The following ATP2B4 variants were observed in gnomAD, a reference collection of about 807,000 sequenced individuals.
ATP2B4 encodes ATPase plasma membrane Ca2+ transporting 4, also known as plasma membrane calcium-transporting ATPase 4.
ATP2B4 carries 39 observed loss-of-function variants against 110.3 expected under a neutral mutation model. The observed-to-expected ratio is 0.35, with a 90% CI of 0.27 to 0.46. The LOEUF (loss-of-function observed/expected upper bound fraction) is 0.46, where lower values mean the gene tolerates loss of function less well. Among genes scored for constraint, ATP2B4 ranks in the 20% least tolerant of loss-of-function variants. The pLI is 1.00. For synonymous variants in ATP2B4, 538 were observed against 571.7 expected, an observed-to-expected ratio of 0.94 and a Z score of 0.84; for missense variants, 1,135 against 1,530.9, an observed-to-expected ratio of 0.74 and a Z score of 4.32.
chr1:203,690,636 C>T (rs1485467604), intron 2 of ATP2B4, among the ~76,000 whole-genome samples: 1 of 152,084 alleles, frequency 6.6e-6, no homozygotes, highest in Non-Finnish European at 1.5e-5. Flanking sequence ...TTTAGGAGCT[C>T]CTCCACTTGA....
chr1:203,702,757 G>T (rs1331010996), intron 7 of ATP2B4, among the ~76,000 whole-genome samples: 1 of 152,258 alleles, frequency 6.6e-6, no homozygotes, highest in Non-Finnish European at 1.5e-5. Context: ...CTATAGCAGT[G>T]AAAGTGGAGT....
In ATP2B4 at chr1:203,720,630, G is replaced by A. The variant is rs1230695932; in HGVS notation, c.2488G>A (p.Val830Met). The change falls in exon 16 of 21, where the codon GTG becomes ATG. Residue 830 changes from valine to methionine, a missense_variant. Transcript: ENST00000357681. ...CAACTTCACCAGCATTGTGAAGGCAGTGATGTGGGGACGAAATGTCTATGA... is the reference window on the plus strand; with the variant it reads ...CAACTTCACCAGCATTGTGAAGGCAATGATGTGGGGACGAAATGTCTATGA... ...DDNFTSIVKAVMWGRNVYDSI... is the reference protein window; with the variant it reads ...DDNFTSIVKAMMWGRNVYDSI... 6.2e-7 allele frequency: 1 copy of A among 1,614,032 alleles called. No homozygotes were observed. The highest frequency in any genetic ancestry group is 1.3e-5 in the African/African-American group (1 of 74,934).
intron 20 of ATP2B4, among the ~76,000 whole-genome samples, chr1:203,737,319 C>T (rs1393669896): frequency 3.3e-5 from 5 of 152,140 alleles, no homozygotes; most frequent in Non-Finnish European, 5.9e-5. Context: ...GATGTACTGG[C>T]GGATAAAGGC....
chr1:203,635,234 A>G (rs1663404268), intron 1 of ATP2B4, among the ~76,000 whole-genome samples: 1 of 152,106 alleles, frequency 6.6e-6, no homozygotes, highest in African/African-American at 2.4e-5. Flanking sequence ...TCAGCCTCCC[A>G]AAGTGCTGGG....
chr1:203,708,314 G>A lies in ATP2B4; in HGVS notation c.1557+210G>A, dbSNP rs1044658662. 2.0e-5 allele frequency among the ~76,000 whole-genome samples: 3 copies of A among 152,232 alleles called. No individual in the cohort carries two copies. In the South Asian group the frequency reaches 6.2e-4, roughly 32 times the overall value. On this transcript the variant is annotated intron_variant, in intron 10 of 20. Transcript: ENST00000357681. Reference sequence around the variant, plus strand: ...GAGGTAAGGGCCTGTAAGAATCTATGGCCAGGAAATACCCTCCCAATTAGC... The same window carrying A: ...GAGGTAAGGGCCTGTAAGAATCTATAGCCAGGAAATACCCTCCCAATTAGC...
At chr1:203,690,033 G>A (rs1333661865) in intron 2 of ATP2B4, among the ~76,000 whole-genome samples, 1 of 152,220 alleles carries the variant, frequency 6.6e-6, no homozygotes, top group African/African-American at 2.4e-5. Context: ...GTAGTTACTA[G>A]GTTTAGGGAG....
chr1:203,631,856 G>A lies in ATP2B4; in HGVS notation c.-465+4637G>A, dbSNP rs188503711. Among the ~76,000 whole-genome samples, 22 of 152,190 alleles carry A rather than the reference G, an allele frequency of 1.4e-4. No homozygotes were observed. In the East Asian group the frequency reaches 2.3e-3, roughly 16 times the overall value. On this transcript the variant is annotated intron_variant, in intron 1 of 20. Transcript: ENST00000357681. ...GTCGCCCAGGCTGGAGTGCAGCGGC[G>A]CGATCTCAGCTCACTGTAAGCTCTG...
At chr1:203,672,044 T>A (rs1038895860) in intron 1 of ATP2B4, among the ~76,000 whole-genome samples, 8 of 152,176 alleles carry the variant, frequency 5.3e-5, no homozygotes, top group African/African-American at 1.7e-4. Flanking sequence ...GGAGTGCTGC[T>A]GTTAGAGCAA....
intron 20 of ATP2B4, among the ~76,000 whole-genome samples, chr1:203,735,044 T>C (rs1026822321): frequency 6.8e-6 from 1 of 146,912 alleles, no homozygotes; most frequent in African/African-American, 2.5e-5. Flanking sequence ...AAAAATCAAT[T>C]AGTTCACATG....
intron 1 of ATP2B4, among the ~76,000 whole-genome samples, chr1:203,660,126 C>T (rs1664293356): frequency 1.3e-5 from 2 of 151,492 alleles, no homozygotes; most frequent in Non-Finnish European, 2.9e-5. Flanking sequence ...AGAAACTTGT[C>T]CAAGGTCACA....
intron 15 of ATP2B4, among the ~76,000 whole-genome samples, chr1:203,714,533 A>G (rs1666104681): frequency 6.6e-6 from 1 of 152,212 alleles, no homozygotes. Context: ...AAACTTGCCT[A>G]TAAACATGTG....
At chr1:203,677,025 A>ATT (rs79671168) in intron 1 of ATP2B4, among the ~76,000 whole-genome samples, 3 of 151,942 alleles carry the variant, frequency 2.0e-5, no homozygotes, top group African/African-American at 7.3e-5. Context: ...GTTTGTTTAC[A>ATT]TTTTTTTTAT....
intron 1 of ATP2B4, among the ~76,000 whole-genome samples, chr1:203,671,852 G>A (rs1431132257): frequency 1.3e-5 from 2 of 152,246 alleles, no homozygotes; most frequent in African/African-American, 4.8e-5. Context: ...TGTCTCCTCA[G>A]AGGTACCTCT....
chr1:203,692,101 C>T (rs1019418015), intron 2 of ATP2B4, among the ~76,000 whole-genome samples: 6 of 151,862 alleles, frequency 4.0e-5, no homozygotes, highest in Admixed American at 3.3e-4. Context: ...AGGATGGTCT[C>T]GATCTCCTGA....
chr1:203,655,963 G>A (rs1019604516), intron 1 of ATP2B4, among the ~76,000 whole-genome samples: 49 of 151,952 alleles, frequency 3.2e-4, no homozygotes, highest in African/African-American at 1.1e-3. Flanking sequence ...GGAGTGCAAC[G>A]GTGCGATCTC....
At chr1:203,723,459 T>TCTCTCTCC (rs1558052460) in intron 18 of ATP2B4, among the ~76,000 whole-genome samples, 2 of 128,682 alleles carry the variant, frequency 1.6e-5, no homozygotes, top group African/African-American at 6.2e-5. Flanking sequence ...TCTCTCTCTC[T>TCTCTCTCC]CCCTCTGCCT....
chr1:203,732,969 A>G (rs1666774611), intron 20 of ATP2B4, among the ~76,000 whole-genome samples: 1 of 152,202 alleles, frequency 6.6e-6, no homozygotes, highest in South Asian at 2.1e-4. Context: ...AGAAAAAACT[A>G]GATTCTGGCT....
Position 203,743,348 on chromosome 1 carries a change from G to T in ATP2B4, c.*3494G>T, listed in dbSNP as rs560655595. On this transcript the variant is annotated 3_prime_UTR_variant, in exon 21 of 21. Coordinates refer to ENST00000357681, the MANE Select transcript of ATP2B4 (RefSeq NM_001684.5). ...GACCACCCCCGATGCATTGGTGAGG[G>T]TGGGCACTTATAAATGCCTGCTATT... 7.2e-5 allele frequency: 11 copies of T among 152,650 alleles called. No homozygotes were observed. The highest frequency in any genetic ancestry group is 1.3e-4 in the Non-Finnish European group (9 of 68,062). 9.5% of individuals were successfully genotyped at this position (152,650 alleles called of 1,614,324 possible).
intron 9 of ATP2B4, 129 bp from the exon 10 acceptor site, chr1:203,707,733 T>TA (rs1665891067): frequency 2.4e-6 from 3 of 1,273,862 alleles, no homozygotes; most frequent in Non-Finnish European, 3.3e-6. Context: ...ACCCAGTCAG[T>TA]ATCTTGGATT....
Sources: gnomAD v4.1 joint callset for allele counts (sites outside exome capture counted in the v4.1 genomes callset) on GRCh38, gnomAD v4.1.1 for gene constraint, MANE v1.5 for transcripts, NCBI Gene and HGNC (gene_info 2026-07-23, HGNC 2026-07-21) for gene names.